Variants in DNAH14 observed in about 807,000 individuals in gnomAD.
The protein encoded by DNAH14 is dynein axonemal heavy chain 14.
A neutral mutation model predicts 520.9 loss-of-function variants in DNAH14; 478 were observed. The observed-to-expected ratio is 0.92, with a 90% CI of 0.85 to 0.99. The LOEUF (loss-of-function observed/expected upper bound fraction) is 0.99. DNAH14 is among the 50% of genes least tolerant of loss of function. The pLI, the probability that DNAH14 is intolerant of heterozygous loss-of-function variation, is 0.00. For synonymous variants in DNAH14, 1,581 were observed against 1,757.2 expected (o/e 0.90, Z 2.51); for missense variants, 4,831 against 5,234.5 (o/e 0.92, Z 2.38).
intron 79 of DNAH14, among the ~76,000 whole-genome samples, chr1:225,377,665 C>T (rs2095718846): frequency 6.6e-6 from 1 of 151,782 alleles, no homozygotes; most frequent in Admixed American, 6.6e-5. Flanking sequence ...GAGGCTGAGA[C>T]CCTGTCTAAA....
chr1:225,282,024 T>C (rs1327065228), intron 54 of DNAH14, among the ~76,000 whole-genome samples: 1 of 152,196 alleles, frequency 6.6e-6, no homozygotes, highest in Non-Finnish European at 1.5e-5. Flanking sequence ...GTAGTGTGAT[T>C]GTGATGATCA....
chr1:224,989,366 A>T (rs2125745421), intron 8 of DNAH14, among the ~76,000 whole-genome samples: 1 of 152,300 alleles, frequency 6.6e-6, no homozygotes, highest in African/African-American at 2.4e-5. Flanking sequence ...TTACATGTTC[A>T]TGCATTCATT....
chr1:225,335,328 CACGTGTGT>C (rs1193495856), intron 66 of DNAH14, among the ~76,000 whole-genome samples: 5 of 107,382 alleles, frequency 4.7e-5, no homozygotes, highest in African/African-American at 1.5e-4. Context: ...TGCACATATA[CACGTGTGT>C]ACATGTGTGT....
chr1:225,374,182 T>TATAC (rs1263904206), intron 77 of DNAH14, among the ~76,000 whole-genome samples: 2 of 97,128 alleles, frequency 2.1e-5, no homozygotes, highest in African/African-American at 7.1e-5. Flanking sequence ...TATATATATA[T>TATAC]ACTATTCTAG....
chr1:224,972,536 G>A (rs1319257741), intron 7 of DNAH14, among the ~76,000 whole-genome samples: 1 of 151,798 alleles, frequency 6.6e-6, no homozygotes, highest in Admixed American at 6.6e-5. Context: ...CATGATCTCG[G>A]CTCACTGCAA....
At chr1:224,992,478 G>A (rs997697119) in intron 8 of DNAH14, among the ~76,000 whole-genome samples, 1 of 151,672 alleles carries the variant, frequency 6.6e-6, no homozygotes, top group Non-Finnish European at 1.5e-5. Flanking sequence ...TTTTTGTGTG[G>A]CTATTTAAAT....
intron 23 of DNAH14, among the ~76,000 whole-genome samples, chr1:225,105,676 A>C (rs2075982129): frequency 6.6e-6 from 1 of 152,058 alleles, no homozygotes; most frequent in African/African-American, 2.4e-5. Context: ...TTGTTGGTTT[A>C]AAGTCTGTTT....
intron 11 of DNAH14, among the ~76,000 whole-genome samples, chr1:225,029,938 A>G (rs2066409875): frequency 2.0e-5 from 3 of 151,990 alleles, no homozygotes; most frequent in Admixed American, 2.0e-4. Context: ...CTAAATCATC[A>G]TTGCAACCCA....
chr1:225,346,095 C>T lies in DNAH14; in HGVS notation c.10812C>T (p.Leu3604=), dbSNP rs2095282158. The T allele has an allele frequency of 2.6e-6, 4 of 1,551,580 alleles. No homozygotes were observed. The South Asian group carries it at 4.8e-5, about 18-fold the overall frequency. ...TCCAAGCAATACGTAAAAACTATCT[C>T]CCCATTGCGACCCGAGGCGCCCTGC... ...SEIQAIRKNY[L]PIATRGALLY... is the part of the protein sequence containing the mutation. The change falls in exon 70 of 86, where the codon CTC becomes CTT. Residue 3604 remains leucine, a synonymous_variant. Coordinates refer to ENST00000682510, the MANE Select transcript of DNAH14 (RefSeq NM_001367479.1).
chr1:225,356,547 T>C (rs2095431367), intron 73 of DNAH14, among the ~76,000 whole-genome samples: 1 of 152,148 alleles, frequency 6.6e-6, no homozygotes, highest in African/African-American at 2.4e-5. Flanking sequence ...GACATAGTAG[T>C]GACATGAAAA....
intron 7 of DNAH14, among the ~76,000 whole-genome samples, chr1:224,970,535 G>A (rs545662316): frequency 3.9e-4 from 59 of 152,124 alleles, no homozygotes; most frequent in African/African-American, 1.2e-3. Context: ...TGGTTTTACC[G>A]CTCGGGGGCA....
chr1:224,987,773 C>T (rs911645532), intron 8 of DNAH14, among the ~76,000 whole-genome samples: 2 of 152,044 alleles, frequency 1.3e-5, no homozygotes, highest in African/African-American at 4.8e-5. Context: ...ATTACAGGCG[C>T]CCGCCACCAT....
At chr1:225,227,724 A>T (rs1226550059) in intron 41 of DNAH14, among the ~76,000 whole-genome samples, 1 of 151,996 alleles carries the variant, frequency 6.6e-6, no homozygotes, top group East Asian at 1.9e-4. Flanking sequence ...AGTCCATGCC[A>T]CCCCAAGACA....
rs1216041223 is a variant in DNAH14 at position 225,119,137 on chromosome 1, A to G, written c.4092-83A>G. The G allele has an allele frequency of 3.9e-6, 4 of 1,026,314 alleles. No homozygotes were observed. The East Asian group carries it at 1.1e-4, about 29-fold the overall frequency. The allele number at this position is 1,026,314 out of a possible 1,614,324, so 63.6% of individuals were successfully genotyped here. ...TGAATATTATTAAAGTATGTAGAAA[A>G]TTTAGTCTACAGGCTTGTCAAAGGA... On this transcript the variant is annotated intron_variant, in intron 25 of 85. Transcript: ENST00000682510.
At position 225,364,831 on chromosome 1, in the gene DNAH14, G is replaced by A. The variant is rs1329253519; in HGVS notation, c.12027G>A (p.Arg4009=). 3 of 1,548,454 alleles carry A rather than the reference G, an allele frequency of 1.9e-6. No individual in the cohort carries two copies. Among genetic ancestry groups the A allele is most frequent in the Non-Finnish European group, 2.6e-6 (3 of 1,145,934 alleles). Residue 4009 remains arginine, a synonymous_variant, in exon 76 of 86, where the codon CGG becomes CGA. Coordinates refer to ENST00000682510, the MANE Select transcript of DNAH14 (RefSeq NM_001367479.1). ...SPNVTIDPEF[R]LWLSSKSYSS... ...ACGTGACAATAGACCCTGAGTTTCG[G>A]CTATGGTTAAGCTCAAAATCATACA...
At chr1:225,253,664 T>C (rs887679932) in intron 44 of DNAH14, among the ~76,000 whole-genome samples, 12 of 152,152 alleles carry the variant, frequency 7.9e-5, no homozygotes, top group African/African-American at 2.9e-4. Context: ...CAACATTCAT[T>C]AATTTCTTTA....
At chr1:225,239,733 C>T (rs768239866) in intron 42 of DNAH14, among the ~76,000 whole-genome samples, 50 of 152,124 alleles carry the variant, frequency 3.3e-4, no homozygotes, top group Non-Finnish European at 6.0e-4. Context: ...AAAATCAATA[C>T]ATAATAACCA....
chr1:225,082,813 T>A, intron 20 of DNAH14, 74 bp downstream of exon 20: 2 of 1,217,338 alleles, frequency 1.6e-6, no homozygotes, highest in East Asian at 2.6e-5. Context: ...CGAGTAAATA[T>A]ACAATGGATA....
At chr1:225,037,212 C>T (rs985190310) in intron 11 of DNAH14, among the ~76,000 whole-genome samples, 1 of 152,160 alleles carries the variant, frequency 6.6e-6, no homozygotes, top group Non-Finnish European at 1.5e-5. Context: ...GGTCCATTTA[C>T]ATCCATTCTT....
Sources: allele counts gnomAD v4.1 joint callset (sites outside exome capture counted in the v4.1 genomes callset), GRCh38; gene constraint gnomAD v4.1.1; transcripts MANE v1.5; gene names NCBI Gene and HGNC (gene_info 2026-07-23, HGNC 2026-07-21).